The following RPS7 variants were observed in gnomAD, a reference collection of about 807,000 sequenced individuals.
RPS7 encodes the protein ribosomal protein S7.
In RPS7, 1 loss-of-function variant was observed where a neutral mutation model predicts 22.1. That is an observed-to-expected ratio of 0.05 (90% CI 0.02 to 0.21). The LOEUF (loss-of-function observed/expected upper bound fraction) is 0.21, where lower values mean the gene tolerates loss of function less well. Ranked by LOEUF, RPS7 falls within the 10% of genes least tolerant of loss-of-function variation. The pLI is 1.00. For synonymous variants in RPS7, 80 were observed against 92.0 expected (o/e 0.87, Z 0.74); for missense variants, 137 against 246.4 (o/e 0.56, Z 2.97).
intron 5 of RPS7, 34 bp downstream of exon 5, chr2:3,577,808 C>T: frequency 8.9e-6 from 12 of 1,343,646 alleles, no homozygotes; most frequent in Non-Finnish European, 1.3e-5. Flanking sequence ...AATGTGTGTA[C>T]CCCTCTTATT....
At chr2:3,580,742 T>G in intron 6 of RPS7, 63 bp from the exon 7 acceptor site, 1 of 1,018,066 alleles carries the variant, frequency 9.8e-7, no homozygotes, top group Non-Finnish European at 1.6e-6. Context: ...TTCACGAAAC[T>G]ATTAGGTTTT....
At chr2:3,575,436 C>T in intron 1 of RPS7, 86 bp downstream of exon 1, 1 of 627,382 alleles carries the variant, frequency 1.6e-6, no homozygotes, top group Non-Finnish European at 2.8e-6. Flanking sequence ...GAGGGGCGAG[C>T]CTTGCTCACA....
intron 1 of RPS7, 95 bp from the exon 2 acceptor site, chr2:3,575,497 G>A: frequency 2.5e-6 from 2 of 796,320 alleles, no homozygotes; most frequent in Non-Finnish European, 4.2e-6. Context: ...TGGCTTCTGC[G>A]GGGCGAGCGG....
At chr2:3,577,205 G>C (rs188058352) in intron 4 of RPS7, 1 of 176,658 alleles carries the variant, frequency 5.7e-6, no homozygotes, top group Admixed American at 5.5e-5. Flanking sequence ...GCGTGGTGGT[G>C]GGCGCCTGTA....
Position 3,577,293 on chromosome 2 carries a change from G to A in RPS7, c.292-417G>A, listed in dbSNP as rs185017314. Reference sequence around the variant, plus strand: ...GGAGCTTGCAGTGAGCCGAGATCCCGCCACTGAACTTCAGCCTGGGCGACA... The same window carrying A: ...GGAGCTTGCAGTGAGCCGAGATCCCACCACTGAACTTCAGCCTGGGCGACA... On this transcript the variant is annotated intron_variant, in intron 4 of 6. Coordinates refer to ENST00000645674, the MANE Select transcript of RPS7 (RefSeq NM_001011.4). 1.5e-3 allele frequency: 287 copies of A among 187,028 alleles called. 1 individual carries two copies. Among genetic ancestry groups the A allele is most frequent in the African/African-American group, 6.4e-3 (270 of 42,018 alleles). The allele number at this position is 187,028 out of a possible 1,614,324, so 11.6% of individuals were successfully genotyped here. A position where few individuals can be genotyped will look rare whatever the true frequency, so the allele number is the denominator to read the frequency against.
chr2:3,576,278 G>C lies in RPS7; in HGVS notation c.148-209G>C, dbSNP rs942880636. On this transcript the variant is annotated intron_variant, in intron 3 of 6. Transcript: ENST00000645674. ...GTGGTAGTGATTGGCCTCCTGGCCT[G>C]AACAGTCTCCCTTCCTGGAATAAGG... The C allele has an allele frequency of 7.5e-5, 48 of 643,854 alleles. No individual in the cohort carries two copies. The Admixed American group carries it at 1.1e-3, about 14-fold the overall frequency. The allele number at this position is 643,854 out of a possible 1,614,324, so 39.9% of individuals were successfully genotyped here. A position where few individuals can be genotyped will look rare whatever the true frequency, so the allele number is the denominator to read the frequency against.
At chr2:3,576,238 A>C in intron 3 of RPS7, 1 of 599,168 alleles carries the variant, frequency 1.7e-6, no homozygotes, top group Non-Finnish European at 3.0e-6. Context: ...AGTTGCCGCA[A>C]GTGGGGGTGC....
rs1313101507 is a variant in RPS7, at chr2:3,578,185, TAAA to T, written c.356+413_356+415del. 4.7e-5 allele frequency: 8 copies of T among 169,656 alleles called. No homozygotes were observed. The East Asian group carries it at 1.3e-3, about 29-fold the overall frequency. 10.5% of individuals were successfully genotyped at this position (169,656 alleles called of 1,614,324 possible). ...GGATTTTGGTGATAACATCACAGGT[TAAA>T]ATATCACTGCAGTTGAAGATGCTGA... On this transcript the variant is annotated intron_variant, in intron 5 of 6. Coordinates refer to ENST00000645674, the MANE Select transcript of RPS7 (RefSeq NM_001011.4).
In RPS7 at chr2:3,575,866, A is replaced by G; in HGVS notation, c.125A>G (p.Glu42Gly). 6.2e-7 allele frequency: 1 copy of G among 1,610,904 alleles called. No individual in the cohort carries two copies. The highest frequency in any genetic ancestry group is 8.5e-7 in the Non-Finnish European group (1 of 1,179,202). The change falls in exon 3 of 7, where the codon GAG becomes GGG. Residue 42 changes from glutamate (E) to glycine (G), a missense_variant. Physicochemically the swap from Glu to Gly is moderately conservative, Grantham distance 98. This residue lies in a region of RPS7 where 63 missense variants were observed against 75.0 expected (regional missense o/e 0.84). Transcript: ENST00000645674. ...MNSDLKAQLRELNITAAKEIE... is the reference protein window; with the variant it reads ...MNSDLKAQLRGLNITAAKEIE... ...TCGGACCTCAAGGCTCAGCTCAGGG[A>G]GCTGAATATTACGGCAGCTAAGGTA... is the stretch of plus-strand genomic sequence containing the variant.
intron 4 of RPS7, chr2:3,577,392 A>G (rs186922320): frequency 1.5e-5 from 5 of 330,186 alleles, no homozygotes; most frequent in East Asian, 6.7e-5. Flanking sequence ...ACTGAAGTCT[A>G]TGGGGAATGA....
intron 1 of RPS7, 45 bp from the exon 2 acceptor site, chr2:3,575,547 G>A (rs1308594079): frequency 7.0e-7 from 1 of 1,420,890 alleles, no homozygotes; most frequent in Admixed American, 1.7e-5. Context: ...CGAGCCAGCG[G>A]CGCCTGCAGC....
At chr2:3,576,337 C>T in intron 3 of RPS7, 150 bp from the exon 4 acceptor site, 1 of 766,508 alleles carries the variant, frequency 1.3e-6, no homozygotes, top group South Asian at 1.4e-5. Context: ...GAGAACATTT[C>T]CGAAGGATGC....
At position 3,577,917 on chromosome 2, in the gene RPS7, A is replaced by T. The variant is rs549269458; in HGVS notation, c.356+143A>T. 4.0e-5 allele frequency: 26 copies of T among 653,288 alleles called. 1 individual carries two copies. In the South Asian group the frequency reaches 4.7e-4, roughly 12 times the overall value. 40.5% of individuals were successfully genotyped at this position (653,288 alleles called of 1,614,324 possible). A position where few individuals can be genotyped will look rare whatever the true frequency, so the allele number is the denominator to read the frequency against. ...TTGGTTTCCTGTATAGTTGCACATG[A>T]TACGTTTTAGAATTCTAGATGTAAA... On this transcript the variant is annotated intron_variant, in intron 5 of 6. Coordinates refer to ENST00000645674, the MANE Select transcript of RPS7 (RefSeq NM_001011.4).
rs1328526370 is a variant in RPS7 at position 3,575,898 on chromosome 2, CG to C, written c.147+11del. The C allele has an allele frequency of 6.3e-7, 1 of 1,595,704 alleles. No individual in the cohort carries two copies. The stretch of plus-strand genomic sequence containing the variant: ...TATTACGGCAGCTAAGGTAAGCTGG[CG>C]CTCCCTCGGCTGGGAGGGAGGTTGC... On this transcript the variant is annotated intron_variant, in intron 3 of 6. Transcript: ENST00000645674.
intron 6 of RPS7, 49 bp from the exon 7 acceptor site, chr2:3,580,756 C>A: frequency 1.8e-6 from 2 of 1,142,044 alleles, no homozygotes; most frequent in Non-Finnish European, 2.7e-6. Context: ...AGGTTTTAAG[C>A]TGAGTGTGTA....
chr2:3,580,566 A>G (rs1661382835), intron 6 of RPS7: 2 of 622,210 alleles, frequency 3.2e-6, no homozygotes, highest in South Asian at 2.0e-5. Flanking sequence ...TTGGGGGGAC[A>G]TAACCATGTG....
chr2:3,575,392 G>C, intron 1 of RPS7, 42 bp downstream of exon 1: 1 of 577,240 alleles, frequency 1.7e-6, no homozygotes, highest in Non-Finnish European at 3.1e-6. Context: ...TTTCTTCTTG[G>C]GTTGAGGAAA....
intron 6 of RPS7, 139 bp from the exon 7 acceptor site, chr2:3,580,666 T>C: frequency 1.4e-6 from 1 of 694,728 alleles, no homozygotes; most frequent in East Asian, 2.7e-5. Flanking sequence ...TCCCCGGTCG[T>C]GAAGACTGCT....
intron 3 of RPS7, chr2:3,576,176 G>C: frequency 5.1e-6 from 3 of 590,898 alleles, no homozygotes; most frequent in South Asian, 4.0e-5. Flanking sequence ...TTATAGATAC[G>C]GCAAAGAGCT....
Sources: gnomAD v4.1 joint callset for allele counts on GRCh38, gnomAD v4.1.1 for gene constraint, gnomAD v4.1.1 regional missense constraint, MANE v1.5 for transcripts, NCBI Gene and HGNC (gene_info 2026-07-23, HGNC 2026-07-21) for gene names.